PTPN9: variants seen among roughly 807,000 people sequenced by gnomAD.
The protein encoded by PTPN9 is tyrosine-protein phosphatase non-receptor type 9.
PTPN9 carries 26 observed loss-of-function variants against 69.8 expected under a neutral mutation model. The ratio of observed to expected loss-of-function variants is 0.37; its 90% confidence interval spans 0.27 to 0.52. PTPN9 has a LOEUF of 0.52. PTPN9 is among the 20% of genes least tolerant of loss of function. The pLI, the probability that PTPN9 is intolerant of heterozygous loss-of-function variation, is 0.91. For missense variants in PTPN9, 549 were observed against 740.3 expected (o/e 0.74, Z 3.00); for synonymous variants, 274 against 272.5 (o/e 1.01, Z -0.05).
At chr15:75,563,943 T>C (rs190799906) in intron 1 of PTPN9, among the ~76,000 whole-genome samples, 2 of 152,158 alleles carry the variant, frequency 1.3e-5, no homozygotes, top group African/African-American at 4.8e-5. Context: ...ATTAACACGA[T>C]AAAGAATTGA....
chr15:75,555,040 G>A (rs1222730658), intron 1 of PTPN9, among the ~76,000 whole-genome samples: 1 of 152,132 alleles, frequency 6.6e-6, no homozygotes, highest in Non-Finnish European at 1.5e-5. Context: ...GTATCTCAAT[G>A]CCCTCTTTGC....
intron 1 of PTPN9, among the ~76,000 whole-genome samples, chr15:75,531,200 C>T (rs534311403): frequency 6.6e-6 from 1 of 151,868 alleles, no homozygotes; most frequent in Admixed American, 6.6e-5. Flanking sequence ...TGAGGCTGCA[C>T]CTGAGCTTTA....
Position 75,492,771 on chromosome 15 carries a change from T to G in PTPN9, c.969-2470A>C, listed in dbSNP as rs1368969247. Among the ~76,000 whole-genome samples, 5 of 152,318 alleles carry G rather than the reference T, an allele frequency of 3.3e-5. No individual in the cohort carries two copies. The East Asian group carries it at 7.7e-4, about 23-fold the overall frequency. ...GTCTGCTTTTGTAACCATGCAGCTTTTAAGGACCATAAATGTGAACTAAAA... is the reference window on the plus strand; with the variant it reads ...GTCTGCTTTTGTAACCATGCAGCTTGTAAGGACCATAAATGTGAACTAAAA... On this transcript the variant is annotated intron_variant, in intron 7 of 12. Coordinates refer to ENST00000618819, the MANE Select transcript of PTPN9 (RefSeq NM_002833.4).
intron 8 of PTPN9, among the ~76,000 whole-genome samples, chr15:75,489,997 G>T (rs1252304227): frequency 6.6e-6 from 1 of 152,172 alleles, no homozygotes; most frequent in Non-Finnish European, 1.5e-5. Flanking sequence ...TTCACATAAA[G>T]AATTTCATTT....
chr15:75,473,753 T>C lies in PTPN9; in HGVS notation c.1144A>G (p.Thr382Ala). 2 of 1,577,376 alleles carry C rather than the reference T, an allele frequency of 1.3e-6. No individual in the cohort carries two copies. The highest frequency in any genetic ancestry group is 2.7e-5 in the African/African-American group (2 of 74,142). ...ACCATGAGCCAGAAATCACGATAGG[T>C]ATTCTCCAAAGGACCTGAAATAAAA... is the stretch of plus-strand genomic sequence containing the variant. ...YIGTQGPLEN[T>A]YRDFWLMVWE... is the part of the protein sequence containing the mutation. Residue 382 changes from threonine to alanine, a missense_variant, in exon 10 of 13, where the codon ACC becomes GCC. Coordinates refer to ENST00000618819, the MANE Select transcript of PTPN9 (RefSeq NM_002833.4).
intron 1 of PTPN9, among the ~76,000 whole-genome samples, chr15:75,565,493 G>C (rs1006721537): frequency 1.3e-5 from 2 of 152,118 alleles, no homozygotes; most frequent in African/African-American, 4.8e-5. Flanking sequence ...ATGCATTAGA[G>C]GATGTTTAGC....
At chr15:75,541,387 TTTATTA>T (rs991681305) in intron 1 of PTPN9, among the ~76,000 whole-genome samples, 2 of 150,780 alleles carry the variant, frequency 1.3e-5, no homozygotes, top group East Asian at 4.0e-4. Flanking sequence ...CTGCCCTCAT[TTTATTA>T]TTATTATTAT....
At chr15:75,491,906 A>C (rs934801321) in intron 7 of PTPN9, among the ~76,000 whole-genome samples, 4 of 152,004 alleles carry the variant, frequency 2.6e-5, no homozygotes, top group African/African-American at 9.7e-5. Context: ...TTCCAATTTC[A>C]TTTTCTTTTT....
At position 75,578,976 on chromosome 15, in the gene PTPN9, C is replaced by G. The variant is rs1458916193; in HGVS notation, c.-200G>C. On this transcript the variant is annotated 5_prime_UTR_variant, in exon 1 of 13. Transcript: ENST00000618819. ...AGAAAAATCTCTCCGAACTGCCGCT[C>G]TCTTCCGGGAGGAAATCCTTTTTTA... 1.0e-5 allele frequency: 3 copies of G among 292,860 alleles called. No individual in the cohort carries two copies. The highest frequency in any genetic ancestry group is 6.7e-5 in the African/African-American group (3 of 45,050). The allele number at this position is 292,860 out of a possible 1,614,324, so 18.1% of individuals were successfully genotyped here.
intron 4 of PTPN9, among the ~76,000 whole-genome samples, chr15:75,521,495 C>G (rs1219858330): frequency 1.3e-5 from 2 of 151,252 alleles, no homozygotes; most frequent in Non-Finnish European, 2.9e-5. Context: ...AATTCTTGAG[C>G]TACATGTTAC....
intron 5 of PTPN9, chr15:75,513,389 T>C (rs1437936031): frequency 6.6e-6 from 3 of 455,908 alleles, no homozygotes; most frequent in Non-Finnish European, 1.3e-5. Context: ...CTGTATATTC[T>C]CCATAGAGGA....
intron 8 of PTPN9, among the ~76,000 whole-genome samples, chr15:75,482,419 G>T (rs1312301304): frequency 6.6e-6 from 1 of 152,072 alleles, no homozygotes; most frequent in African/African-American, 2.4e-5. Context: ...CAAAAGATTA[G>T]CCGGGCGTGG....
At chr15:75,485,526 G>A (rs2074670292) in intron 8 of PTPN9, among the ~76,000 whole-genome samples, 1 of 150,330 alleles carries the variant, frequency 6.7e-6, no homozygotes, top group South Asian at 2.1e-4. Context: ...CCGCCACCGC[G>A]CCCGGCTAAT....
At chr15:75,469,088 C>A (rs988079252) in intron 12 of PTPN9, 105 bp from the exon 13 acceptor site, 19 of 1,096,718 alleles carry the variant, frequency 1.7e-5, no homozygotes, top group Non-Finnish European at 3.9e-6. Flanking sequence ...AGGCAAAGTG[C>A]CTCATGGCAG....
chr15:75,529,149 G>A (rs2074943926), intron 1 of PTPN9, among the ~76,000 whole-genome samples: 1 of 151,854 alleles, frequency 6.6e-6, no homozygotes, highest in Non-Finnish European at 1.5e-5. Context: ...ACCACGCCTG[G>A]CTAATTTTTG....
intron 5 of PTPN9, among the ~76,000 whole-genome samples, chr15:75,514,874 GA>G (rs925114634): frequency 2.0e-5 from 3 of 152,066 alleles, no homozygotes; most frequent in African/African-American, 7.2e-5. Context: ...ATTTGATTGG[GA>G]AAAAAATTAA....
intron 1 of PTPN9, among the ~76,000 whole-genome samples, chr15:75,575,558 T>C (rs2075168171): frequency 6.6e-6 from 1 of 152,182 alleles, no homozygotes; most frequent in East Asian, 1.9e-4. Flanking sequence ...TCAGTTCCCA[T>C]GAGGACCACT....
At chr15:75,499,375 T>C (rs970584257) in intron 7 of PTPN9, among the ~76,000 whole-genome samples, 3 of 148,922 alleles carry the variant, frequency 2.0e-5, no homozygotes, top group Non-Finnish European at 4.4e-5. Context: ...GTTTGGATGA[T>C]GGCAACAAGA....
chr15:75,468,302 G>A lies in PTPN9; in HGVS notation c.*467C>T, dbSNP rs951152778. ...TGGAATACACGCCCTACTTATAAAC[G>A]TGCTTGGCACTCAGGACGATCTCTA... On this transcript the variant is annotated 3_prime_UTR_variant, in exon 13 of 13. Coordinates refer to ENST00000618819, the MANE Select transcript of PTPN9 (RefSeq NM_002833.4). The A allele has an allele frequency of 2.4e-5, 4 of 167,904 alleles. No homozygotes were observed. Among genetic ancestry groups the A allele is most frequent in the South Asian group, 3.0e-4 (2 of 6,588 alleles). 10.4% of individuals were successfully genotyped at this position (167,904 alleles called of 1,614,324 possible). A position where few individuals can be genotyped will look rare whatever the true frequency, so the allele number is the denominator to read the frequency against.
Sources: gnomAD v4.1 joint callset for allele counts (sites outside exome capture counted in the v4.1 genomes callset) on GRCh38, gnomAD v4.1.1 for gene constraint, MANE v1.5 for transcripts, NCBI Gene and HGNC (gene_info 2026-07-23, HGNC 2026-07-21) for gene names.